Variants in SLMAP observed in about 807,000 individuals in gnomAD.
SLMAP encodes sarcolemma associated protein, also known as sarcolemmal membrane-associated protein.
SLMAP carries 44 observed loss-of-function variants against 128.8 expected under a neutral mutation model. The ratio of observed to expected loss-of-function variants is 0.34; its 90% confidence interval spans 0.27 to 0.44. The LOEUF (loss-of-function observed/expected upper bound fraction) is 0.44, where lower values mean the gene tolerates loss of function less well. Ranked by LOEUF, SLMAP falls within the 20% of genes least tolerant of loss-of-function variation. The probability of loss-of-function intolerance (pLI) is 1.00; values close to 1 mark genes in which losing one functional copy is unlikely to be tolerated. For missense variants in SLMAP, 787 were observed against 985.3 expected, an observed-to-expected ratio of 0.80 and a Z score of 2.69; for synonymous variants, 327 against 348.8, an observed-to-expected ratio of 0.94 and a Z score of 0.70.
chr3:57,837,865 G>A (rs1283356669), intron 3 of SLMAP, among the ~76,000 whole-genome samples: 1 of 152,238 alleles, frequency 6.6e-6, no homozygotes, highest in Non-Finnish European at 1.5e-5. Context: ...ATGCATGTGT[G>A]TATCTGGTTG....
intron 2 of SLMAP, among the ~76,000 whole-genome samples, chr3:57,768,706 G>T (rs2080213507): frequency 6.6e-6 from 1 of 152,112 alleles, no homozygotes; most frequent in Admixed American, 6.5e-5. Context: ...TGATATTCCT[G>T]TGAAAGTATT....
intron 6 of SLMAP, among the ~76,000 whole-genome samples, chr3:57,853,119 A>G (rs1219083285): frequency 6.6e-6 from 1 of 152,198 alleles, no homozygotes; most frequent in Admixed American, 6.5e-5. Context: ...GATTCTAAAG[A>G]TATGGTTGGT....
intron 17 of SLMAP, among the ~76,000 whole-genome samples, chr3:57,902,821 G>A (rs552818751): frequency 1.3e-5 from 2 of 152,232 alleles, no homozygotes; most frequent in Admixed American, 1.3e-4. Flanking sequence ...AGTGACCATG[G>A]GTTTGCCTGG....
At chr3:57,768,672 C>G (rs531811097) in intron 2 of SLMAP, among the ~76,000 whole-genome samples, 2 of 152,276 alleles carry the variant, frequency 1.3e-5, no homozygotes, top group East Asian at 3.9e-4. Context: ...TTTCACTTGA[C>G]CAACTTTTGG....
chr3:57,927,233 G>A (rs1160501953), intron 24 of SLMAP, 63 bp from the exon 25 acceptor site: 6 of 990,568 alleles, frequency 6.1e-6, no homozygotes, highest in East Asian at 2.6e-5. Flanking sequence ...GGAACCAAGG[G>A]GTTAATAGGT....
chr3:57,889,436 A>G (rs2096000902), intron 14 of SLMAP, among the ~76,000 whole-genome samples: 2 of 152,232 alleles, frequency 1.3e-5, no homozygotes, highest in African/African-American at 2.4e-5. Flanking sequence ...ACAGGAGTAA[A>G]TAAGGGGACA....
At chr3:57,903,198 G>A (rs924164921) in intron 17 of SLMAP, among the ~76,000 whole-genome samples, 2 of 152,108 alleles carry the variant, frequency 1.3e-5, no homozygotes, top group South Asian at 4.1e-4. Context: ...AGAAAGAGTG[G>A]CAAAGGGGTA....
At chr3:57,858,649 G>A (rs759384838) in intron 8 of SLMAP, among the ~76,000 whole-genome samples, 5 of 151,958 alleles carry the variant, frequency 3.3e-5, no homozygotes, top group African/African-American at 7.3e-5. Flanking sequence ...ATTTCATTAC[G>A]GTTACAAATA....
At position 57,895,160 on chromosome 3, in the gene SLMAP, G is replaced by C. The variant is rs150608661; in HGVS notation, c.1361-1351G>C. Among the ~76,000 whole-genome samples, 621 of 151,804 alleles carry C rather than the reference G, an allele frequency of 4.1e-3. 6 individuals carry two copies. Among genetic ancestry groups the C allele is most frequent in the African/African-American group, 0.015 (602 of 41,380 alleles). On this transcript the variant is annotated intron_variant, in intron 15 of 24. Transcript: ENST00000671191. ...AGAAAGGAATTCCATAGTATGTACA[G>C]ATGTGCCATTACAGATGAGGATCTG... is the stretch of plus-strand genomic sequence containing the variant.
intron 4 of SLMAP, among the ~76,000 whole-genome samples, chr3:57,844,343 A>G (rs926278032): frequency 1.3e-5 from 2 of 152,022 alleles, no homozygotes; most frequent in Non-Finnish European, 2.9e-5. Flanking sequence ...GCAGTGAGCC[A>G]AAATCAGACC....
chr3:57,824,828 G>C (rs181028618), intron 2 of SLMAP, among the ~76,000 whole-genome samples: 1 of 152,268 alleles, frequency 6.6e-6, no homozygotes, highest in Admixed American at 6.5e-5. Context: ...TGCCGGATCT[G>C]TGGATTTTTT....
intron 13 of SLMAP, among the ~76,000 whole-genome samples, chr3:57,866,502 A>C (rs1239453052): frequency 6.6e-6 from 1 of 152,166 alleles, no homozygotes; most frequent in Non-Finnish European, 1.5e-5. Context: ...ATATGTAATG[A>C]ATTTTGAAAC....
intron 15 of SLMAP, among the ~76,000 whole-genome samples, chr3:57,892,349 C>T (rs551613392): frequency 3.3e-4 from 50 of 152,258 alleles, no homozygotes; most frequent in African/African-American, 1.1e-3. Context: ...GATGTATCAC[C>T]TAATGCAAAA....
intron 17 of SLMAP, among the ~76,000 whole-genome samples, chr3:57,903,056 G>A (rs892315574): frequency 1.3e-5 from 2 of 152,168 alleles, no homozygotes; most frequent in African/African-American, 4.8e-5. Context: ...CAGAAGATAG[G>A]AACTAGGTTT....
intron 13 of SLMAP, among the ~76,000 whole-genome samples, chr3:57,871,075 G>A (rs1318649572): frequency 6.6e-6 from 1 of 151,994 alleles, no homozygotes; most frequent in African/African-American, 2.4e-5. Flanking sequence ...TGGTCATTTG[G>A]GCAGAGATAA....
At position 57,908,018 on chromosome 3, in the gene SLMAP, A is replaced by T. The variant is rs1343243492; in HGVS notation, c.1624+12A>T. 7 of 1,612,976 alleles carry T rather than the reference A, an allele frequency of 4.3e-6. No homozygotes were observed. In the South Asian group the frequency reaches 7.7e-5, roughly 18 times the overall value. On this transcript the variant is annotated intron_variant, in intron 18 of 24. Coordinates refer to ENST00000671191, the MANE Select transcript of SLMAP (RefSeq NM_001377540.1). Reference sequence around the variant, plus strand: ...CTTTGAACTTCAAGGTGAGATCAAGATTACTTTGGTTCTTTAGGGATGTGT... The same window carrying T: ...CTTTGAACTTCAAGGTGAGATCAAGTTTACTTTGGTTCTTTAGGGATGTGT...
At chr3:57,876,683 A>G (rs1415938556) in intron 14 of SLMAP, among the ~76,000 whole-genome samples, 1 of 152,242 alleles carries the variant, frequency 6.6e-6, no homozygotes, top group Non-Finnish European at 1.5e-5. Flanking sequence ...GTTCTGCTAA[A>G]GATGTTTTCC....
chr3:57,910,384 A>G (rs2096665167), intron 19 of SLMAP, among the ~76,000 whole-genome samples: 1 of 151,882 alleles, frequency 6.6e-6, no homozygotes, highest in African/African-American at 2.4e-5. Context: ...GGGTTTCACT[A>G]TATTGGCCAG....
intron 15 of SLMAP, among the ~76,000 whole-genome samples, chr3:57,892,427 G>A (rs1375176257): frequency 6.6e-6 from 1 of 152,144 alleles, no homozygotes; most frequent in African/African-American, 2.4e-5. Flanking sequence ...TTTGGAGGTA[G>A]AGGTAGAAAG....
Sources: allele counts gnomAD v4.1 joint callset (sites outside exome capture counted in the v4.1 genomes callset), GRCh38; gene constraint gnomAD v4.1.1; transcripts MANE v1.5; gene names NCBI Gene and HGNC (gene_info 2026-07-23, HGNC 2026-07-21).